IL3RA: variants seen among roughly 807,000 people sequenced by gnomAD.
The protein encoded by IL3RA is interleukin-3 receptor subunit alpha.
A neutral mutation model predicts 52.3 loss-of-function variants in IL3RA; 73 were observed. That is an observed-to-expected ratio of 1.40 (90% CI 1.16 to 1.70). The LOEUF is 1.70. IL3RA is among the 40% of genes most tolerant of loss of function. The pLI is 0.00. For synonymous variants in IL3RA, 260 were observed against 194.0 expected (o/e 1.34, Z -2.83); for missense variants, 664 against 504.4 (o/e 1.32, Z -3.03).
At chrX:1,381,247 A>C in intron 11 of IL3RA, 143 bp downstream of exon 11, 1 of 749,284 alleles carries the variant, frequency 1.3e-6, no homozygotes, top group Non-Finnish European at 2.3e-6. Flanking sequence ...AAAAATACAA[A>C]ATTAGCCGGG....
rs1336576566 is a variant in IL3RA at position 1,348,358 on chromosome X, A to C, written c.184-73A>C. 94 of 1,249,994 alleles carry C rather than the reference A, an allele frequency of 7.5e-5. No homozygotes were observed. In the Middle Eastern group the frequency reaches 7.8e-4, roughly 10 times the overall value. The allele number at this position is 1,249,994 out of a possible 1,614,324, so 77.4% of individuals were successfully genotyped here. A position where few individuals can be genotyped will look rare whatever the true frequency, so the allele number is the denominator to read the frequency against. On this transcript the variant is annotated intron_variant, in intron 3 of 11. Coordinates refer to ENST00000331035, the MANE Select transcript of IL3RA (RefSeq NM_002183.4). ...ACGAGAGCGAAACTCTGCCTCAAAA[A>C]AAATCTGAACATCATTAGCGTCAAA...
intron 11 of IL3RA, 91 bp downstream of exon 11, chrX:1,381,195 T>C: frequency 1.8e-6 from 2 of 1,095,434 alleles, no homozygotes; most frequent in Non-Finnish European, 2.8e-6. Flanking sequence ...GGCCAGGAAC[T>C]GGAGACCAGC....
At position 1,348,419 on chromosome X, in the gene IL3RA, T is replaced by C. The variant is rs764442050; in HGVS notation, c.184-12T>C. ...TCTGTCAGCAGCCATCATAGTCCTA[T>C]GTCTCTCTTAGGCAGTGAACAATAG... On this transcript the variant is annotated splice_polypyrimidine_tract_variant and intron_variant, in intron 3 of 11. Coordinates refer to ENST00000331035, the MANE Select transcript of IL3RA (RefSeq NM_002183.4). 8 of 1,588,878 alleles carry C rather than the reference T, an allele frequency of 5.0e-6. No homozygotes were observed. In the East Asian group the frequency reaches 1.1e-4, roughly 22 times the overall value.
chrX:1,348,710 CTG>C (rs878938320), intron 4 of IL3RA, among the ~76,000 whole-genome samples, 165 bp downstream of exon 4: 20 of 86,988 alleles, frequency 2.3e-4, no homozygotes, highest in African/African-American at 2.9e-4. Context: ...CTTTCTGTTT[CTG>C]TTTCTTTCTT....
chrX:1,360,833 C>CT (rs1226592904), intron 8 of IL3RA, among the ~76,000 whole-genome samples: 2 of 151,764 alleles, frequency 1.3e-5, no homozygotes, highest in African/African-American at 4.8e-5. Context: ...CGGCCCCTCT[C>CT]TTTATCTTTC....
intron 6 of IL3RA, 57 bp from the exon 7 acceptor site, chrX:1,356,164 G>C (rs2086687805): frequency 2.7e-6 from 3 of 1,119,964 alleles, no homozygotes; most frequent in Non-Finnish European, 2.6e-6. Context: ...AAGAGAAAAA[G>C]AAAAAGAATT....
At chrX:1,344,712 G>T (rs1175020678) in intron 2 of IL3RA, among the ~76,000 whole-genome samples, 1 of 151,516 alleles carries the variant, frequency 6.6e-6, no homozygotes. Context: ...GGTAGAGGTT[G>T]CGGTGAGCTG....
chrX:1,368,001 C>T (rs1174790742), intron 9 of IL3RA, among the ~76,000 whole-genome samples: 1 of 152,020 alleles, frequency 6.6e-6, no homozygotes, highest in Non-Finnish European at 1.5e-5. Context: ...CTGACAGACA[C>T]CCCCTGGGCC....
intron 4 of IL3RA, among the ~76,000 whole-genome samples, 183 bp downstream of exon 4, chrX:1,348,728 C>T (rs866980153): frequency 5.2e-5 from 3 of 57,162 alleles, no homozygotes; most frequent in South Asian, 5.0e-4. Flanking sequence ...TTCTTCCTTT[C>T]TTTTTCTTTC....
At chrX:1,344,989 C>T (rs1445453510) in intron 2 of IL3RA, among the ~76,000 whole-genome samples, 3 of 135,290 alleles carry the variant, frequency 2.2e-5, no homozygotes, top group Non-Finnish European at 3.2e-5. Context: ...GGTGAAACGC[C>T]ATCTCTACTA....
At chrX:1,344,933 C>A (rs371997573) in intron 2 of IL3RA, among the ~76,000 whole-genome samples, 3 of 149,990 alleles carry the variant, frequency 2.0e-5, no homozygotes, top group African/African-American at 4.9e-5. Context: ...GAGGCTGAGG[C>A]GGACGAATCA....
chrX:1,355,416 G>A (rs1477603574), intron 6 of IL3RA, among the ~76,000 whole-genome samples: 1 of 126,856 alleles, frequency 7.9e-6, no homozygotes, highest in Non-Finnish European at 1.7e-5. Flanking sequence ...GGAGCGGAGG[G>A]GGAGGAGGGG....
At chrX:1,345,026 G>A (rs1228025714) in intron 2 of IL3RA, among the ~76,000 whole-genome samples, 97 of 138,216 alleles carry the variant, frequency 7.0e-4, no homozygotes, top group Non-Finnish European at 8.4e-4. Context: ...AAAATTAGCC[G>A]GGCGTGGTGG....
chrX:1,369,830 AGAG>A (rs1457566141), intron 9 of IL3RA, among the ~76,000 whole-genome samples: 4 of 38,200 alleles, frequency 1.0e-4, no homozygotes, highest in Non-Finnish European at 1.2e-4. Context: ...TCTCATAAGA[AGAG>A]GAGATGAGGA....
chrX:1,341,772 C>T lies in IL3RA; in HGVS notation c.7C>T (p.Leu3Phe). 2 of 1,613,944 alleles carry T rather than the reference C, an allele frequency of 1.2e-6. No homozygotes were observed. Among genetic ancestry groups the T allele is most frequent in the African/African-American group, 1.3e-5 (1 of 75,018 alleles). The change falls in exon 2 of 12, where the codon CTC becomes TTC. Residue 3 changes from leucine (L) to phenylalanine (F), a missense_variant. Physicochemically the swap from Leu to Phe is conservative, Grantham distance 22. Transcript: ENST00000331035. MV[L>F]LWLTLLLIAL... ...TTCCGGAGCTGCGTTCCCGATGGTC[C>T]TCCTTTGGCTCACGCTGCTCCTGAT...
intron 6 of IL3RA, among the ~76,000 whole-genome samples, chrX:1,353,631 C>G (rs866415009): frequency 3.8e-5 from 2 of 51,990 alleles, no homozygotes; most frequent in Admixed American, 1.7e-4. Flanking sequence ...TCATGGGACC[C>G]CCCCCATCAT....
At chrX:1,379,201 G>T (rs1469103920) in intron 10 of IL3RA, among the ~76,000 whole-genome samples, 2 of 151,210 alleles carry the variant, frequency 1.3e-5, no homozygotes, top group Admixed American at 6.6e-5. Context: ...TGTCACCCAG[G>T]CTGGAGTGCA....
intron 6 of IL3RA, among the ~76,000 whole-genome samples, chrX:1,352,731 T>TAG (rs1288394210): frequency 1.9e-4 from 28 of 150,544 alleles, no homozygotes; most frequent in Non-Finnish European, 3.2e-4. Flanking sequence ...TCACGTGGTG[T>TAG]AGAGAGAGAG....
intron 4 of IL3RA, among the ~76,000 whole-genome samples, chrX:1,350,674 G>A (rs1157038374): frequency 6.6e-6 from 1 of 150,534 alleles, no homozygotes; most frequent in Non-Finnish European, 1.5e-5. Context: ...GGCCGAGGTG[G>A]GTGGATCGCG....
Sources: gnomAD v4.1 joint callset for allele counts (sites outside exome capture counted in the v4.1 genomes callset) on GRCh38, gnomAD v4.1.1 for gene constraint, MANE v1.5 for transcripts, NCBI Gene and HGNC (gene_info 2026-07-23, HGNC 2026-07-21) for gene names.